Variants in GABBR2 observed in about 807,000 individuals in gnomAD.
GABBR2 encodes gamma-aminobutyric acid type B receptor subunit 2.
In GABBR2, 23 loss-of-function variants were observed where a neutral mutation model predicts 105.6. The observed-to-expected ratio is 0.22, with a 90% CI of 0.16 to 0.31. The LOEUF is 0.31. Among genes scored for constraint, GABBR2 ranks in the 10% least tolerant of loss-of-function variants. GABBR2 has a pLI of 1.00. For missense variants in GABBR2, 734 were observed against 1,245.5 expected, an observed-to-expected ratio of 0.59 and a Z score of 6.18; for synonymous variants, 478 against 499.7, an observed-to-expected ratio of 0.96 and a Z score of 0.58.
At chr9:98,411,553 A>C (rs2131539414) in intron 7 of GABBR2, among the ~76,000 whole-genome samples, 1 of 131,498 alleles carries the variant, frequency 7.6e-6, no homozygotes, top group South Asian at 2.4e-4. Context: ...GAGTTAGTAA[A>C]ATCCCATTTT....
chr9:98,623,958 C>T (rs1021226861), intron 1 of GABBR2, among the ~76,000 whole-genome samples: 5 of 152,198 alleles, frequency 3.3e-5, no homozygotes, highest in Admixed American at 6.5e-5. Context: ...CAGGGCAGCT[C>T]GGTAACTTCT....
intron 7 of GABBR2, among the ~76,000 whole-genome samples, chr9:98,451,133 A>G (rs1487529155): frequency 6.6e-6 from 1 of 152,100 alleles, no homozygotes; most frequent in Non-Finnish European, 1.5e-5. Context: ...CTTTGGAGGT[A>G]TTCTAATGGG....
intron 3 of GABBR2, among the ~76,000 whole-genome samples, chr9:98,496,819 C>A (rs1197764095): frequency 6.6e-6 from 1 of 152,170 alleles, no homozygotes; most frequent in Non-Finnish European, 1.5e-5. Flanking sequence ...TCCACCACAT[C>A]ACACTGTCTC....
rs751111546 is a variant in GABBR2, at chr9:98,708,687, TGGCGGCGGCGGC to T, written c.39_50del (p.Pro17_Pro20del). 9.4e-7 allele frequency: 1 copy of T among 1,066,024 alleles called. No individual in the cohort carries two copies. The highest frequency in any genetic ancestry group is 1.1e-6 in the Non-Finnish European group (1 of 883,640). 66.0% of individuals were successfully genotyped at this position (1,066,024 alleles called of 1,614,324 possible). ...GCAGTAGCAGGCGCGCGGGCGGCGG[TGGCGGCGGCGGC>T]GGCGGCCCGGGCTGCCCGGAGCTCC... On this transcript the variant is annotated inframe_deletion, in exon 1 of 19. Transcript: ENST00000259455.
chr9:98,609,070 T>C (rs1407932963), intron 1 of GABBR2, among the ~76,000 whole-genome samples: 1 of 152,220 alleles, frequency 6.6e-6, no homozygotes, highest in East Asian at 1.9e-4. Context: ...TTAGCTGTAA[T>C]CATATATTGC....
chr9:98,373,953 G>A (rs938258802), intron 11 of GABBR2, among the ~76,000 whole-genome samples: 11 of 147,222 alleles, frequency 7.5e-5, no homozygotes, highest in Non-Finnish European at 1.5e-4. Context: ...CATCTCCAGA[G>A]CTCAAACAAT....
At chr9:98,519,099 C>T (rs1827817996) in intron 3 of GABBR2, among the ~76,000 whole-genome samples, 1 of 152,214 alleles carries the variant, frequency 6.6e-6, no homozygotes, top group African/African-American at 2.4e-5. Flanking sequence ...ACCAAGATTA[C>T]TGTTATTGCT....
At chr9:98,598,815 C>A (rs1443452956) in intron 1 of GABBR2, among the ~76,000 whole-genome samples, 1 of 152,158 alleles carries the variant, frequency 6.6e-6, no homozygotes, top group African/African-American at 2.4e-5. Flanking sequence ...CACACAGCAA[C>A]CCAGCCTCCA....
intron 1 of GABBR2, among the ~76,000 whole-genome samples, chr9:98,665,919 G>A (rs1004283582): frequency 1.3e-5 from 2 of 152,186 alleles, no homozygotes; most frequent in African/African-American, 4.8e-5. Flanking sequence ...TATCTTGACT[G>A]TAATCTACAC....
At chr9:98,584,194 T>C (rs1460600707) in intron 1 of GABBR2, among the ~76,000 whole-genome samples, 2 of 152,038 alleles carry the variant, frequency 1.3e-5, no homozygotes, top group Non-Finnish European at 2.9e-5. Context: ...CTGGTTGGCA[T>C]GGCCACAACT....
chr9:98,291,810 G>C (rs1418802921), intron 18 of GABBR2, among the ~76,000 whole-genome samples: 1 of 152,180 alleles, frequency 6.6e-6, no homozygotes, highest in African/African-American at 2.4e-5. Context: ...TCTCCTTCAA[G>C]ATCCAGTTTA....
At chr9:98,440,557 T>C (rs780831944) in intron 7 of GABBR2, among the ~76,000 whole-genome samples, 1 of 152,180 alleles carries the variant, frequency 6.6e-6, no homozygotes, top group Non-Finnish European at 1.5e-5. Flanking sequence ...TCCAGGTCTT[T>C]ACTTTAAAAT....
intron 1 of GABBR2, among the ~76,000 whole-genome samples, chr9:98,656,831 A>G (rs1830190268): frequency 6.6e-6 from 1 of 152,204 alleles, no homozygotes. Context: ...TTATGGAAAC[A>G]AAAAACATGG....
At chr9:98,680,976 TAA>T (rs1426224488) in intron 1 of GABBR2, among the ~76,000 whole-genome samples, 2 of 152,306 alleles carry the variant, frequency 1.3e-5, no homozygotes, top group East Asian at 1.9e-4. Flanking sequence ...AGTAAAGAGT[TAA>T]ATATTACTGT....
chr9:98,490,509 TA>T (rs1827155265), intron 4 of GABBR2, among the ~76,000 whole-genome samples: 1 of 152,206 alleles, frequency 6.6e-6, no homozygotes. Context: ...GATTTTACAA[TA>T]AAAGATTTTC....
intron 3 of GABBR2, among the ~76,000 whole-genome samples, chr9:98,505,277 C>T (rs1035963295): frequency 7.9e-5 from 12 of 152,194 alleles, no homozygotes; most frequent in African/African-American, 2.9e-4. Flanking sequence ...CAAATAAGTT[C>T]GCTCTTAATC....
intron 1 of GABBR2, among the ~76,000 whole-genome samples, chr9:98,692,506 G>A (rs1422878900): frequency 6.6e-6 from 1 of 152,206 alleles, no homozygotes; most frequent in Non-Finnish European, 1.5e-5. Context: ...CTCTCTCCGG[G>A]GCTTGGCCTA....
At chr9:98,630,503 G>A (rs896729992) in intron 1 of GABBR2, among the ~76,000 whole-genome samples, 1 of 152,128 alleles carries the variant, frequency 6.6e-6, no homozygotes, top group African/African-American at 2.4e-5. Context: ...CTTGAGCAGT[G>A]GCCCAAAGAC....
At chr9:98,395,491 A>C (rs570428489) in intron 8 of GABBR2, among the ~76,000 whole-genome samples, 4 of 150,924 alleles carry the variant, frequency 2.7e-5, no homozygotes, top group Non-Finnish European at 5.9e-5. Flanking sequence ...CCCCAGGGAA[A>C]GTGAGCCAAG....
Sources: gnomAD v4.1 joint callset for allele counts (sites outside exome capture counted in the v4.1 genomes callset) on GRCh38, gnomAD v4.1.1 for gene constraint, MANE v1.5 for transcripts, NCBI Gene and HGNC (gene_info 2026-07-23, HGNC 2026-07-21) for gene names.